The following GRIK1 variants were observed in gnomAD, a reference collection of about 807,000 sequenced individuals.
The protein encoded by GRIK1 is glutamate receptor ionotropic, kainate 1.
A neutral mutation model predicts 105.7 loss-of-function variants in GRIK1; 69 were observed. The ratio of observed to expected loss-of-function variants is 0.65; its 90% CI spans 0.54 to 0.80. The LOEUF is 0.80. Ranked by LOEUF, GRIK1 falls within the 30% of genes least tolerant of loss-of-function variation. GRIK1 has a pLI of 0.00. For missense variants in GRIK1, 1,109 were observed against 1,167.3 expected (o/e 0.95, Z 0.73); for synonymous variants, 438 against 431.3 (o/e 1.02, Z -0.19).
Position 29,651,174 on chromosome 21 carries a change from C to T in GRIK1, c.898G>A (p.Glu300Lys). 1 of 1,613,990 alleles carries T rather than the reference C, an allele frequency of 6.2e-7. No homozygotes were observed. The part of the protein sequence containing the change: ...VSSIIEKWSM[E>K]RLQAPPRPET... ...GGCCTGGGTGGGGCCTGCAGTCTCTCCATGGACCACTTCTCAATGATGGAT... is the reference window on the plus strand; with the variant it reads ...GGCCTGGGTGGGGCCTGCAGTCTCTTCATGGACCACTTCTCAATGATGGAT... The change falls in exon 6 of 18, where the codon GAG becomes AAG. Residue 300 changes from glutamate to lysine, a missense_variant. This residue lies in a region of GRIK1 where 612 missense variants were observed against 586.0 expected (regional missense o/e 1.04). Transcript: ENST00000327783.
intron 1 of GRIK1, among the ~76,000 whole-genome samples, chr21:29,768,590 G>A (rs2065733702): frequency 6.6e-6 from 1 of 152,168 alleles, no homozygotes; most frequent in African/African-American, 2.4e-5. Flanking sequence ...GGTTAAGAAT[G>A]GCACCATGGG....
chr21:29,845,275 C>A (rs898036192), intron 1 of GRIK1, among the ~76,000 whole-genome samples: 1 of 151,916 alleles, frequency 6.6e-6, no homozygotes, highest in East Asian at 1.9e-4. Context: ...AAATGCCAAA[C>A]GTCTTTTGCC....
intron 1 of GRIK1, among the ~76,000 whole-genome samples, chr21:29,933,770 A>T (rs924153587): frequency 6.6e-6 from 1 of 152,182 alleles, no homozygotes; most frequent in East Asian, 1.9e-4. Flanking sequence ...AACAAATTAA[A>T]TAATCTTCTC....
intron 5 of GRIK1, among the ~76,000 whole-genome samples, chr21:29,652,795 A>G (rs919064513): frequency 1.3e-5 from 2 of 152,252 alleles, no homozygotes; most frequent in Non-Finnish European, 2.9e-5. Flanking sequence ...AGTGCATTGC[A>G]AGACAGGACA....
intron 1 of GRIK1, among the ~76,000 whole-genome samples, chr21:29,709,278 C>CT (rs35378548): frequency 0.038 from 4,922 of 127,876 alleles, 172 homozygotes; most frequent in African/African-American, 0.068. Flanking sequence ...TACTCTTCTT[C>CT]TTTTTTTTTT....
At chr21:29,806,056 A>G (rs2066855771) in intron 1 of GRIK1, among the ~76,000 whole-genome samples, 1 of 152,162 alleles carries the variant, frequency 6.6e-6, no homozygotes. Context: ...TAGAGTAAAT[A>G]ATAAAATTGT....
chr21:29,741,804 C>A (rs1025266325), intron 1 of GRIK1, among the ~76,000 whole-genome samples: 4 of 152,194 alleles, frequency 2.6e-5, no homozygotes, highest in African/African-American at 9.7e-5. Context: ...CATGTTTCCA[C>A]AGGTCGAGTG....
At chr21:29,560,333 T>TTCTTTCTG (rs1568812849) in intron 15 of GRIK1, among the ~76,000 whole-genome samples, 1 of 121,504 alleles carries the variant, frequency 8.2e-6, no homozygotes, top group Non-Finnish European at 1.7e-5. Context: ...CTTTCTTTCT[T>TTCTTTCTG]TCTTTCTTTC....
chr21:29,773,051 G>T (rs1214354006), intron 1 of GRIK1, among the ~76,000 whole-genome samples: 4 of 152,136 alleles, frequency 2.6e-5, no homozygotes, highest in African/African-American at 9.7e-5. Flanking sequence ...GGCTGATAAG[G>T]AGTCCATGTA....
At chr21:29,648,651 T>A (rs1367612472) in intron 6 of GRIK1, among the ~76,000 whole-genome samples, 1 of 152,174 alleles carries the variant, frequency 6.6e-6, no homozygotes, top group Non-Finnish European at 1.5e-5. Flanking sequence ...TTATGAAGTG[T>A]CTATTCTTGT....
chr21:29,823,880 A>T (rs1243396125), intron 1 of GRIK1, among the ~76,000 whole-genome samples: 1 of 151,966 alleles, frequency 6.6e-6, no homozygotes, highest in African/African-American at 2.4e-5. Context: ...ATATATTTAT[A>T]TAGTCTTAGT....
intron 1 of GRIK1, among the ~76,000 whole-genome samples, chr21:29,935,658 T>A (rs1356051555): frequency 6.6e-6 from 1 of 152,242 alleles, no homozygotes; most frequent in Non-Finnish European, 1.5e-5. Flanking sequence ...ATATTGTCAC[T>A]ATAGATTTCC....
intron 16 of GRIK1, chr21:29,553,530 ATC>A (rs1162945072): frequency 2.7e-6 from 4 of 1,482,674 alleles, no homozygotes; most frequent in Non-Finnish European, 2.7e-6. Flanking sequence ...TACTGGGCAC[ATC>A]TTTTTTTTTT....
At chr21:29,928,177 C>G (rs1027842277) in intron 1 of GRIK1, among the ~76,000 whole-genome samples, 4 of 152,210 alleles carry the variant, frequency 2.6e-5, no homozygotes, top group African/African-American at 7.2e-5. Context: ...TCCTCACATT[C>G]AAAGGGTTGG....
In GRIK1 at chr21:29,872,257, G is replaced by C. The variant is rs377108266; in HGVS notation, c.118+67126C>G. 6.1e-5 allele frequency among the ~76,000 whole-genome samples: 9 copies of C among 147,198 alleles called. No homozygotes were observed. In the East Asian group the frequency reaches 1.6e-3, roughly 26 times the overall value. ...CGCCCAGGCTGGAGTGCAGTGGTGCGATCTTGGCTCACTGCAAGCTCCGCT... is the reference window on the plus strand; with the variant it reads ...CGCCCAGGCTGGAGTGCAGTGGTGCCATCTTGGCTCACTGCAAGCTCCGCT... On this transcript the variant is annotated intron_variant, in intron 1 of 17. Coordinates refer to ENST00000327783, the MANE Select transcript of GRIK1 (RefSeq NM_001330994.2).
rs139540356 is a variant in GRIK1, at chr21:29,800,612, A to G, written c.119-106549T>C. 2.1e-3 allele frequency among the ~76,000 whole-genome samples: 318 copies of G among 152,352 alleles called. 1 individual carries two copies. The highest frequency in any genetic ancestry group is 7.1e-3 in the African/African-American group (294 of 41,582). ...GAATTTCTGTTGGCTCAATAAACCA[A>G]AAACTCTTCAAATGAAAATAAAGTT... On this transcript the variant is annotated intron_variant, in intron 1 of 17. Transcript: ENST00000327783.
In GRIK1 at chr21:29,939,789, G is replaced by C. The variant is rs1001118259; in HGVS notation, c.-289C>G. The stretch of plus-strand genomic sequence containing the variant: ...GAGGATCAGCGCTCTCTGGCTCCCG[G>C]AGCCCAGAGACCAGCTGAGGAAAGT... On this transcript the variant is annotated 5_prime_UTR_variant, in exon 1 of 18. Transcript: ENST00000327783. 1.6e-5 allele frequency: 5 copies of C among 310,562 alleles called. No individual in the cohort carries two copies. The highest frequency in any genetic ancestry group is 2.9e-5 in the Non-Finnish European group (5 of 169,942). 19.2% of individuals were successfully genotyped at this position (310,562 alleles called of 1,614,324 possible). A position where few individuals can be genotyped will look rare whatever the true frequency, so the allele number is the denominator to read the frequency against.
At chr21:29,659,022 CAA>C (rs749065948) in intron 4 of GRIK1, among the ~76,000 whole-genome samples, 2 of 152,146 alleles carry the variant, frequency 1.3e-5, no homozygotes, top group Non-Finnish European at 2.9e-5. Flanking sequence ...GGTTTAGGGT[CAA>C]AATTACGGGT....
chr21:29,766,307 G>A (rs989497731), intron 1 of GRIK1, among the ~76,000 whole-genome samples: 2 of 152,118 alleles, frequency 1.3e-5, no homozygotes, highest in South Asian at 2.1e-4. Context: ...CTACATTTTG[G>A]CATTATCTGA....
Sources: allele counts gnomAD v4.1 joint callset (sites outside exome capture counted in the v4.1 genomes callset), GRCh38; gene constraint gnomAD v4.1.1; regional missense constraint gnomAD v4.1.1; transcripts MANE v1.5; gene names NCBI Gene and HGNC (gene_info 2026-07-23, HGNC 2026-07-21).